PAQR3: variants seen among roughly 807,000 people sequenced by gnomAD.
The protein encoded by PAQR3 is progestin and adipoQ receptor family member 3.
Under a neutral mutation model 41.7 loss-of-function variants are expected in PAQR3, and 39 were observed. The ratio of observed to expected loss-of-function variants is 0.93; its 90% CI spans 0.72 to 1.22. PAQR3 has a LOEUF of 1.22. Among genes scored for constraint, PAQR3 ranks in the 50% most tolerant of loss-of-function variants. The probability of loss-of-function intolerance (pLI) is 0.00; values close to 1 mark genes in which losing one functional copy is unlikely to be tolerated. For missense variants in PAQR3, 366 were observed against 385.6 expected, an observed-to-expected ratio of 0.95 and a Z score of 0.42; for synonymous variants, 140 against 140.6, an observed-to-expected ratio of 1.00 and a Z score of 0.03.
At chr4:78,934,336 T>C (rs1308709439) in intron 2 of PAQR3, among the ~76,000 whole-genome samples, 1 of 152,226 alleles carries the variant, frequency 6.6e-6, no homozygotes, top group African/African-American at 2.4e-5. Context: ...AGTTATGAGA[T>C]TCACCTCTCA....
chr4:78,892,059 T>C (rs910496649), intron 11 of PAQR3, among the ~76,000 whole-genome samples: 5 of 152,208 alleles, frequency 3.3e-5, no homozygotes, highest in African/African-American at 9.6e-5. Flanking sequence ...TTTGGTTTTC[T>C]TTCCTTGTAA....
In PAQR3 at chr4:78,917,803, A is replaced by AATC. The variant is rs1735230202; in HGVS notation, c.*2733_*2735dup. 1 of 985,046 alleles carries AATC rather than the reference A, an allele frequency of 1.0e-6. No homozygotes were observed. The highest frequency in any genetic ancestry group is 1.2e-6 in the Non-Finnish European group (1 of 829,330). 61.0% of individuals were successfully genotyped at this position (985,046 alleles called of 1,614,324 possible). On this transcript the variant is annotated 3_prime_UTR_variant, in exon 6 of 6. Transcript: ENST00000512733. ...GTACAGTTTTACGGAAGTCAATCAC[A>AATC]ATCTTCAAATCGGATATTCTGTCCA...
At position 78,915,610 on chromosome 4, in the gene PAQR3, G is replaced by A. The variant is rs1485789600; in HGVS notation, c.*4929C>T. The stretch of plus-strand genomic sequence containing the variant: ...TTTGAGAACTTTTATACTCAGTGGT[G>A]TTTTATATATTAAGATAAAAATATG... On this transcript the variant is annotated 3_prime_UTR_variant, in exon 6 of 6. Coordinates refer to ENST00000512733, the MANE Select transcript of PAQR3 (RefSeq NM_001040202.2). The A allele has an allele frequency of 1.3e-5, 2 of 151,752 alleles. No individual in the cohort carries two copies. The highest frequency in any genetic ancestry group is 2.9e-5 in the Non-Finnish European group (2 of 67,846). The allele number at this position is 151,752 out of a possible 1,614,324, so 9.4% of individuals were successfully genotyped here.
chr4:78,909,546 T>C (rs1413184393), downstream of PAQR3, among the ~76,000 whole-genome samples: 1 of 152,172 alleles, frequency 6.6e-6, no homozygotes, highest in East Asian at 1.9e-4. Context: ...CCTTGCTCAC[T>C]ATATTCCAGC....
downstream of PAQR3, chr4:78,911,825 C>T (rs556730271): frequency 6.0e-5 from 97 of 1,613,972 alleles, 2 homozygotes; most frequent in South Asian, 8.6e-4. Flanking sequence ...GACATCCGTG[C>T]TGATCACAAT....
chr4:78,922,708 C>T (rs955351577), intron 5 of PAQR3: 2 of 359,368 alleles, frequency 5.6e-6, no homozygotes, highest in Admixed American at 3.7e-5. Flanking sequence ...TCATCTAACC[C>T]TCATTAAACT....
downstream of PAQR3, chr4:78,910,818 A>G: frequency 6.2e-7 from 1 of 1,613,954 alleles, no homozygotes; most frequent in Non-Finnish European, 8.5e-7. Context: ...GTGAAGAGGA[A>G]GAGCAAGATG....
Position 78,923,904 on chromosome 4 carries a change from A to G in PAQR3, c.746T>C (p.Leu249Pro), listed in dbSNP as rs1735920253. The change falls in exon 5 of 6, where the codon CTT becomes CCT. Residue 249 changes from leucine to proline, a missense_variant. Physicochemically the swap from Leu to Pro is moderately conservative, Grantham distance 98. Transcript: ENST00000512733. The part of the protein sequence containing the change: ...RVIVMYMIAL[L>P]AFLFYISKVP... Reference sequence around the variant, plus strand: ...TTTGGAAATGTAGAATAGGAAAGCAAGAAGAGCAATCATATACATCACAAT... The same window carrying G: ...TTTGGAAATGTAGAATAGGAAAGCAGGAAGAGCAATCATATACATCACAAT... The G allele has an allele frequency of 6.2e-6, 10 of 1,613,370 alleles. No individual in the cohort carries two copies. The highest frequency in any genetic ancestry group is 1.7e-5 in the Admixed American group (1 of 59,930).
In PAQR3 at chr4:78,919,474, C is replaced by G. The variant is rs768190445; in HGVS notation, c.*1065G>C. ...TCAGGCCCAAATATTAAGTGTTTAT[C>G]AAGATTCTGAGTTATCAATGCAATG... On this transcript the variant is annotated 3_prime_UTR_variant, in exon 6 of 6. Coordinates refer to ENST00000512733, the MANE Select transcript of PAQR3 (RefSeq NM_001040202.2). The G allele has an allele frequency of 1.0e-6, 1 of 985,022 alleles. No homozygotes were observed. Among genetic ancestry groups the G allele is most frequent in the Non-Finnish European group, 1.2e-6 (1 of 829,724 alleles). The allele number at this position is 985,022 out of a possible 1,614,324, so 61.0% of individuals were successfully genotyped here. A position where few individuals can be genotyped will look rare whatever the true frequency, so the allele number is the denominator to read the frequency against.
intron 5 of PAQR3, 21 bp from the exon 6 acceptor site, chr4:78,920,702 AAATGAT>A (rs758425644): frequency 1.3e-6 from 2 of 1,592,514 alleles, no homozygotes; most frequent in South Asian, 2.3e-5. Context: ...GGTAGAAAGA[AAATGAT>A]AATGATTTCA....
intron 2 of PAQR3, among the ~76,000 whole-genome samples, chr4:78,931,214 T>TAAAAAAA (rs1736860220): frequency 3.5e-5 from 4 of 114,750 alleles, no homozygotes; most frequent in African/African-American, 9.3e-5. Context: ...AAAAAAAAAT[T>TAAAAAAA]GGGCATGGCG....
chr4:78,890,979 G>T (rs1471679436), intron 11 of PAQR3, among the ~76,000 whole-genome samples: 1 of 152,328 alleles, frequency 6.6e-6, no homozygotes, highest in South Asian at 2.1e-4. Context: ...AGGATTGCTT[G>T]CTTGAGGCCA....
chr4:78,928,219 G>A (rs1264915371), intron 3 of PAQR3, among the ~76,000 whole-genome samples: 1 of 152,086 alleles, frequency 6.6e-6, no homozygotes, highest in Non-Finnish European at 1.5e-5. Flanking sequence ...AATATTACAT[G>A]GCTGTACTCA....
At chr4:78,895,401 T>C (rs1733649313) in intron 11 of PAQR3, among the ~76,000 whole-genome samples, 1 of 152,228 alleles carries the variant, frequency 6.6e-6, no homozygotes, top group South Asian at 2.1e-4. Context: ...TGCCACATAG[T>C]TTATAATTTT....
intron 1 of PAQR3, 87 bp from the exon 2 acceptor site, chr4:78,935,370 C>G (rs1288830629): frequency 1.7e-6 from 2 of 1,152,622 alleles, no homozygotes; most frequent in Non-Finnish European, 2.4e-6. Flanking sequence ...TGAGGAGTTA[C>G]CTAATACTTG....
At chr4:78,906,464 A>G (rs964771523) in intron 10 of PAQR3, among the ~76,000 whole-genome samples, 1 of 152,186 alleles carries the variant, frequency 6.6e-6, no homozygotes. Flanking sequence ...GGTGGTATAG[A>G]TGATTGTGTC....
At chr4:78,931,666 G>A (rs1299977178) in intron 2 of PAQR3, among the ~76,000 whole-genome samples, 1 of 152,114 alleles carries the variant, frequency 6.6e-6, no homozygotes, top group Non-Finnish European at 1.5e-5. Flanking sequence ...ACTCTGTGGA[G>A]GTACATGTGC....
At chr4:78,927,883 A>T (rs1219420098) in intron 3 of PAQR3, among the ~76,000 whole-genome samples, 7 of 152,222 alleles carry the variant, frequency 4.6e-5, no homozygotes, top group Non-Finnish European at 8.8e-5. Flanking sequence ...TGTGCGCAAA[A>T]GTGCATTCTA....
intron 2 of PAQR3, among the ~76,000 whole-genome samples, chr4:78,931,611 T>C (rs1736905032): frequency 6.6e-6 from 1 of 152,054 alleles, no homozygotes; most frequent in South Asian, 2.1e-4. Context: ...CAAATCCTAC[T>C]GTACTTCAGT....
Sources: allele counts gnomAD v4.1 joint callset (sites outside exome capture counted in the v4.1 genomes callset), GRCh38; gene constraint gnomAD v4.1.1; transcripts MANE v1.5; gene names NCBI Gene and HGNC (gene_info 2026-07-23, HGNC 2026-07-21).